The following SQOR variants were observed in gnomAD, a reference collection of about 807,000 sequenced individuals.
SQOR encodes sulfide quinone oxidoreductase.
Under a neutral mutation model 48.6 loss-of-function variants are expected in SQOR, and 39 were observed. The observed-to-expected ratio is 0.80, with a 90% CI of 0.62 to 1.05. The LOEUF (loss-of-function observed/expected upper bound fraction) is 1.05. SQOR is among the 50% of genes least tolerant of loss of function. The pLI is 0.00. For missense variants in SQOR, 561 were observed against 559.9 expected, an observed-to-expected ratio of 1.00 and a Z score of -0.02; for synonymous variants, 220 against 206.2, an observed-to-expected ratio of 1.07 and a Z score of -0.57.
chr15:45,676,830 C>G (rs1566922309), intron 6 of SQOR, among the ~76,000 whole-genome samples: 1 of 152,140 alleles, frequency 6.6e-6, no homozygotes, highest in Non-Finnish European at 1.5e-5. Context: ...CACTTGAGGT[C>G]AGGAGTTCGA....
intron 3 of SQOR, among the ~76,000 whole-genome samples, chr15:45,669,068 G>T (rs1467540156): frequency 6.6e-6 from 1 of 151,590 alleles, no homozygotes. Context: ...CACATGACAG[G>T]TCAGACTTGC....
intron 3 of SQOR, among the ~76,000 whole-genome samples, chr15:45,666,197 A>T (rs907110408): frequency 3.3e-5 from 5 of 152,142 alleles, no homozygotes; most frequent in Non-Finnish European, 7.3e-5. Context: ...ACTCATCTTT[A>T]GCTTCGATAT....
chr15:45,664,651 C>T (rs1397963868), intron 3 of SQOR, among the ~76,000 whole-genome samples: 1 of 152,246 alleles, frequency 6.6e-6, no homozygotes, highest in East Asian at 1.9e-4. Flanking sequence ...TTGCCTTTTT[C>T]GTGACAGTTA....
At position 45,661,188 on chromosome 15, in the gene SQOR, A is replaced by G. The variant is rs558894820; in HGVS notation, c.235-767A>G. Among the ~76,000 whole-genome samples, 7 of 151,466 alleles carry G rather than the reference A, an allele frequency of 4.6e-5. 1 individual carries two copies. Among genetic ancestry groups the G allele is most frequent in the African/African-American group, 1.7e-4 (7 of 41,324 alleles). The stretch of plus-strand genomic sequence containing the variant: ...TCCCAGCTACTCAGGAGGCTGAGGC[A>G]GAAGAATCGCCTGAACCTGGGAGGT... On this transcript the variant is annotated intron_variant, in intron 2 of 9. Coordinates refer to ENST00000260324, the MANE Select transcript of SQOR (RefSeq NM_021199.4).
intron 1 of SQOR, among the ~76,000 whole-genome samples, chr15:45,657,299 C>T (rs1400890847): frequency 6.7e-6 from 1 of 150,000 alleles, no homozygotes; most frequent in Non-Finnish European, 1.5e-5. Context: ...CATAATTAGC[C>T]CTAATCCACA....
chr15:45,658,135 A>G (rs755655284), intron 1 of SQOR, among the ~76,000 whole-genome samples: 1 of 152,212 alleles, frequency 6.6e-6, no homozygotes, highest in Non-Finnish European at 1.5e-5. Context: ...TGTTTACTGA[A>G]TTGGATGTAA....
intron 9 of SQOR, among the ~76,000 whole-genome samples, chr15:45,690,449 G>A (rs1205391702): frequency 6.6e-6 from 1 of 152,138 alleles, no homozygotes; most frequent in Non-Finnish European, 1.5e-5. Context: ...CTACATCAGT[G>A]GTCCTGAACC....
Position 45,666,033 on chromosome 15 carries a change from G to C in SQOR, c.406-3895G>C, listed in dbSNP as rs140206735. Among the ~76,000 whole-genome samples the C allele has an allele frequency of 7.9e-3, 1,196 of 151,736 alleles. 12 individuals carry two copies. Among genetic ancestry groups the C allele is most frequent in the African/African-American group, 0.028 (1,149 of 41,346 alleles). ...ACATCTCAAGGCCCTGTGTAGACTG[G>C]TCCTTGCTCCTTCTCCAGGCTTAAC... On this transcript the variant is annotated intron_variant, in intron 3 of 9. Transcript: ENST00000260324.
chr15:45,668,608 A>G (rs2140953463), intron 3 of SQOR, among the ~76,000 whole-genome samples: 1 of 152,298 alleles, frequency 6.6e-6, no homozygotes, highest in East Asian at 1.9e-4. Context: ...ATGCCAGGGC[A>G]GGGCCTCTTG....
intron 4 of SQOR, among the ~76,000 whole-genome samples, chr15:45,670,699 G>A (rs1171886750): frequency 6.6e-6 from 1 of 152,206 alleles, no homozygotes; most frequent in Non-Finnish European, 1.5e-5. Context: ...GGCCTCAACA[G>A]AGTTGGCCCA....
At chr15:45,686,274 C>T (rs1890223238) in intron 7 of SQOR, among the ~76,000 whole-genome samples, 1 of 152,080 alleles carries the variant, frequency 6.6e-6, no homozygotes, top group African/African-American at 2.4e-5. Flanking sequence ...GTCTTAGCCT[C>T]CTGAGTAGCT....
intron 8 of SQOR, 31 bp from the exon 9 acceptor site, chr15:45,689,008 C>CTT: frequency 6.3e-7 from 1 of 1,598,328 alleles, no homozygotes. Context: ...AAAAAATCTA[C>CTT]TTTCCAACTC....
chr15:45,637,815 G>A (rs1895031021), intron 1 of SQOR, among the ~76,000 whole-genome samples: 1 of 152,358 alleles, frequency 6.6e-6, no homozygotes, highest in East Asian at 1.9e-4. Context: ...TATAAAGAAT[G>A]GAGACGGACC....
chr15:45,646,008 G>A (rs1895198581), intron 1 of SQOR: 1 of 152,192 alleles, frequency 6.6e-6, no homozygotes, highest in Admixed American at 6.5e-5. Flanking sequence ...CAAGGATACA[G>A]GTATTTGTTG....
chr15:45,644,470 T>G (rs1050494752), intron 1 of SQOR, among the ~76,000 whole-genome samples: 16 of 152,246 alleles, frequency 1.1e-4, no homozygotes, highest in African/African-American at 3.9e-4. Flanking sequence ...AGCTTCCATC[T>G]GACTGAATAG....
At position 45,659,063 on chromosome 15, in the gene SQOR, T is replaced by C; in HGVS notation, c.140T>C (p.Leu47Pro). 1 of 1,596,296 alleles carries C rather than the reference T, an allele frequency of 6.3e-7. No individual in the cohort carries two copies. The highest frequency in any genetic ancestry group is 8.5e-7 in the Non-Finnish European group (1 of 1,171,966). ...SHAARNHYEVLVLGGGSGGIT... is the reference protein window; with the variant it reads ...SHAARNHYEVPVLGGGSGGIT... ...GCGGCCAGGAACCATTATGAGGTGC[T>C]GGTGCTGGGTGGGGGCAGTGGCGGA... The change falls in exon 2 of 10, where the codon CTG (leucine) becomes CCG (proline). Residue 47 changes from leucine to proline, a missense_variant. Transcript: ENST00000260324.
intron 3 of SQOR, among the ~76,000 whole-genome samples, chr15:45,668,543 C>A (rs965020081): frequency 6.6e-6 from 1 of 152,134 alleles, no homozygotes; most frequent in African/African-American, 2.4e-5. Flanking sequence ...TGAGGGTGAT[C>A]GTGTCATAGT....
In SQOR at chr15:45,689,117, C is replaced by A. The variant is rs1398728917; in HGVS notation, c.1195C>A (p.Pro399Thr). Reference sequence around the variant, plus strand: ...TGCTGAGTTTGACTACAAAGCAGAGCCGCTAGAAACCTTCCCCTTTGATCA... The same window carrying A: ...TGCTGAGTTTGACTACAAAGCAGAGACGCTAGAAACCTTCCCCTTTGATCA... ...ILAEFDYKAEPLETFPFDQSK... is the reference protein window; with the variant it reads ...ILAEFDYKAETLETFPFDQSK... Residue 399 changes from proline (P) to threonine (T), a missense_variant, in exon 9 of 10, where the codon CCG becomes ACG. Coordinates refer to ENST00000260324, the MANE Select transcript of SQOR (RefSeq NM_021199.4). 1.2e-6 allele frequency: 2 copies of A among 1,614,160 alleles called. No homozygotes were observed. The highest frequency in any genetic ancestry group is 2.2e-5 in the South Asian group (2 of 91,074).
intron 2 of SQOR, among the ~76,000 whole-genome samples, chr15:45,660,228 G>C (rs1327233100): frequency 2.0e-5 from 3 of 152,190 alleles, no homozygotes; most frequent in South Asian, 2.1e-4. Context: ...GCCTGTTTCA[G>C]GGGGAGGACA....
Sources: gnomAD v4.1 joint callset for allele counts (sites outside exome capture counted in the v4.1 genomes callset) on GRCh38, gnomAD v4.1.1 for gene constraint, MANE v1.5 for transcripts, NCBI Gene and HGNC (gene_info 2026-07-23, HGNC 2026-07-21) for gene names.